The following PRKCQ variants were observed in gnomAD, a reference collection of about 807,000 sequenced individuals.
PRKCQ encodes the protein protein kinase C theta.
Under a neutral mutation model 91.2 loss-of-function variants are expected in PRKCQ, and 41 were observed. That is an observed-to-expected ratio of 0.45 (90% CI 0.35 to 0.58). PRKCQ has a LOEUF of 0.58. Among genes scored for constraint, PRKCQ ranks in the 20% least tolerant of loss-of-function variants. The probability of loss-of-function intolerance (pLI) is 0.00; values close to 1 mark genes in which losing one functional copy is unlikely to be tolerated. For missense variants in PRKCQ, 673 were observed against 896.5 expected, an observed-to-expected ratio of 0.75 and a Z score of 3.18; for synonymous variants, 307 against 316.9, an observed-to-expected ratio of 0.97 and a Z score of 0.33.
chr10:6,525,544 G>A (rs732879), intron 1 of PRKCQ, among the ~76,000 whole-genome samples: 3,070 of 152,244 alleles, frequency 0.02, 98 homozygotes, highest in African/African-American at 0.07. Context: ...GGGTCATTAC[G>A]CTTTCAGTTG....
At chr10:6,538,534 C>G (rs1285054919) in intron 1 of PRKCQ, among the ~76,000 whole-genome samples, 1 of 152,194 alleles carries the variant, frequency 6.6e-6, no homozygotes, top group East Asian at 1.9e-4. Flanking sequence ...AACCAAGATG[C>G]CCCCTCCCTG....
chr10:6,426,405 T>G (rs1833123273), downstream of PRKCQ, among the ~76,000 whole-genome samples: 1 of 152,130 alleles, frequency 6.6e-6, no homozygotes, highest in Non-Finnish European at 1.5e-5. Context: ...TAAAGGACCC[T>G]CTCCCTCCTT....
chr10:6,471,348 G>A (rs79409927), intron 12 of PRKCQ, among the ~76,000 whole-genome samples: 1,591 of 152,270 alleles, frequency 0.01, 29 homozygotes, highest in African/African-American at 0.036. Flanking sequence ...CATCTTTCTG[G>A]GTCACGTAAG....
At chr10:6,485,981 G>C in intron 9 of PRKCQ, 54 bp downstream of exon 9, 1 of 1,457,190 alleles carries the variant, frequency 6.9e-7, no homozygotes, top group East Asian at 2.3e-5. Context: ...GAAGTGCATG[G>C]ACATCCTTGC....
intron 1 of PRKCQ, among the ~76,000 whole-genome samples, chr10:6,523,780 G>A (rs982926369): frequency 1.3e-5 from 2 of 152,204 alleles, no homozygotes; most frequent in Non-Finnish European, 2.9e-5. Flanking sequence ...CCCTGGTCAA[G>A]TTACACTGTT....
chr10:6,574,684 T>C (rs1178918984), intron 1 of PRKCQ, among the ~76,000 whole-genome samples: 1 of 152,182 alleles, frequency 6.6e-6, no homozygotes, highest in Non-Finnish European at 1.5e-5. Context: ...AGTTCACTGG[T>C]TAAGGTCATA....
intron 14 of PRKCQ, among the ~76,000 whole-genome samples, chr10:6,460,785 C>T (rs1020027614): frequency 7.2e-6 from 1 of 138,868 alleles, no homozygotes; most frequent in East Asian, 2.0e-4. Context: ...AGCCACTGTG[C>T]CCAGCCCCTT....
intron 8 of PRKCQ, among the ~76,000 whole-genome samples, chr10:6,488,839 G>A (rs1222642336): frequency 6.6e-6 from 1 of 152,070 alleles, no homozygotes; most frequent in East Asian, 1.9e-4. Context: ...GAGTGCAGTG[G>A]TGCAATCATA....
chr10:6,500,993 A>G (rs182178299), intron 4 of PRKCQ, among the ~76,000 whole-genome samples: 157 of 152,326 alleles, frequency 1.0e-3, no homozygotes, highest in African/African-American at 3.6e-3. Flanking sequence ...AGAAATGGCA[A>G]AAGAGACCAA....
chr10:6,530,639 T>C (rs745975172), intron 1 of PRKCQ, among the ~76,000 whole-genome samples: 90 of 152,192 alleles, frequency 5.9e-4, no homozygotes, highest in Non-Finnish European at 1.1e-3. Context: ...GCTGGGTCTA[T>C]CTGGGCAGAT....
At chr10:6,492,900 C>T (rs563427857) in intron 7 of PRKCQ, among the ~76,000 whole-genome samples, 1 of 152,202 alleles carries the variant, frequency 6.6e-6, no homozygotes, top group Non-Finnish European at 1.5e-5. Context: ...ATAGATCTAA[C>T]GTTCCCGCCA....
Position 6,497,147 on chromosome 10 carries a change from T to A in PRKCQ, c.575-27A>T. On this transcript the variant is annotated intron_variant, in intron 6 of 17. Transcript: ENST00000263125. This position sits in a 1 kb window ranked among gnomAD's most constrained non-coding sequence, Gnocchi z 4.5. ...TGAAAAGAAGAAAAAAATCACAGCT[T>A]AAGATTTTCATAGCCTAAGGAATAA... 1 of 1,613,886 alleles carries A rather than the reference T, an allele frequency of 6.2e-7. No individual in the cohort carries two copies. The highest frequency in any genetic ancestry group is 8.5e-7 in the Non-Finnish European group (1 of 1,179,774).
intron 4 of PRKCQ, among the ~76,000 whole-genome samples, chr10:6,501,787 G>A (rs1378466086): frequency 6.6e-6 from 1 of 151,880 alleles, no homozygotes; most frequent in Non-Finnish European, 1.5e-5. Context: ...TAGCACCATT[G>A]CACTCCAGCC....
At chr10:6,419,239 ATG>A in the PRKCQ span, among the ~76,000 whole-genome samples, 40 of 150,020 alleles carry the variant, frequency 2.7e-4, no homozygotes, top group Non-Finnish European at 8.9e-5. Flanking sequence ...AAATCTATTT[ATG>A]TGTGTGTACA....
the PRKCQ span, among the ~76,000 whole-genome samples, chr10:6,418,989 A>ATCTATCTT: frequency 4.1e-5 from 6 of 145,694 alleles, no homozygotes; most frequent in East Asian, 1.2e-3. Context: ...CTATCTATCT[A>ATCTATCTT]TCTATCTATC....
intron 16 of PRKCQ, among the ~76,000 whole-genome samples, chr10:6,433,107 A>G (rs1047115236): frequency 6.6e-6 from 1 of 152,084 alleles, no homozygotes; most frequent in Non-Finnish European, 1.5e-5. Context: ...ACTCCAACCA[A>G]TGTTCTTTGA....
At position 6,561,333 on chromosome 10, in the gene PRKCQ, T is replaced by C. The variant is rs1840624163; in HGVS notation, c.-10+18878A>G. Among the ~76,000 whole-genome samples, 6 of 132,694 alleles carry C rather than the reference T, an allele frequency of 4.5e-5. No homozygotes were observed. The Admixed American group carries it at 5.1e-4, about 11-fold the overall frequency. 87.1% of individuals were successfully genotyped at this position (132,694 alleles called of 152,430 possible). ...CCTACATTGAGCTGAGATTGTGCTG[T>C]ACTCCAGCCTGGACCACCAGAGTGA... On this transcript the variant is annotated intron_variant, in intron 1 of 17. Transcript: ENST00000263125.
intron 1 of PRKCQ, among the ~76,000 whole-genome samples, chr10:6,545,847 AC>A (rs1350349038): frequency 2.0e-5 from 3 of 152,068 alleles, no homozygotes. Flanking sequence ...TACTAAAAAT[AC>A]AAAAATTAGC....
chr10:6,429,240 T>G (rs974062748), intron 17 of PRKCQ, among the ~76,000 whole-genome samples: 2 of 152,218 alleles, frequency 1.3e-5, no homozygotes, highest in African/African-American at 4.8e-5. Context: ...GTTTTGATTT[T>G]TATGTGCAAA....
Sources: gnomAD v4.1 joint callset for allele counts (sites outside exome capture counted in the v4.1 genomes callset) on GRCh38, gnomAD v4.1.1 for gene constraint, Gnocchi (gnomAD v3.1) non-coding constraint, MANE v1.5 for transcripts, NCBI Gene and HGNC (gene_info 2026-07-23, HGNC 2026-07-21) for gene names.